Variants in LOXL2 observed in about 807,000 individuals in gnomAD.
LOXL2 encodes the protein lysyl oxidase like 2, also known as lysyl oxidase homolog 2.
LOXL2 carries 70 observed loss-of-function variants against 93.0 expected under a neutral mutation model. The observed-to-expected ratio is 0.75, with a 90% confidence interval of 0.62 to 0.92. LOXL2 has a LOEUF of 0.92. Among genes scored for constraint, LOXL2 ranks in the 40% least tolerant of loss-of-function variants. The pLI is 0.00. For synonymous variants in LOXL2, 438 were observed against 413.2 expected, an observed-to-expected ratio of 1.06 and a Z score of -0.73; for missense variants, 973 against 1,054.9, an observed-to-expected ratio of 0.92 and a Z score of 1.08.
chr8:23,304,302 AGAATAGC>A (rs1803191300), intron 10 of LOXL2, among the ~76,000 whole-genome samples: 1 of 152,242 alleles, frequency 6.6e-6, no homozygotes, highest in Non-Finnish European at 1.5e-5. Context: ...CGCTTGGTTT[AGAATAGC>A]CCTTGTTTCA....
intron 1 of LOXL2, among the ~76,000 whole-genome samples, chr8:23,373,882 A>G (rs1174747249): frequency 1.3e-5 from 2 of 151,340 alleles, no homozygotes; most frequent in Non-Finnish European, 2.9e-5. Flanking sequence ...CCATCCCCCA[A>G]GGGCTTCAGA....
intron 9 of LOXL2, among the ~76,000 whole-genome samples, chr8:23,312,905 T>C (rs1380969753): frequency 7.7e-6 from 1 of 130,162 alleles, no homozygotes. Context: ...AAAACCCCAT[T>C]GTCTCAGCCC....
In LOXL2 at chr8:23,371,440, A is replaced by T. The variant is rs1184694309; in HGVS notation, c.-83-3006T>A. Among the ~76,000 whole-genome samples, 5 of 152,174 alleles carry T rather than the reference A, an allele frequency of 3.3e-5. No homozygotes were observed. In the East Asian group the frequency reaches 9.6e-4, roughly 29 times the overall value. ...AGGAAGAATGTCCTGTGGGGTTTAA[A>T]ATACATGTATGATTAAAATGCATGG... On this transcript the variant is annotated intron_variant, in intron 1 of 13. Coordinates refer to ENST00000389131, the MANE Select transcript of LOXL2 (RefSeq NM_002318.3).
intron 4 of LOXL2, among the ~76,000 whole-genome samples, chr8:23,335,540 C>T (rs1383968455): frequency 2.0e-5 from 3 of 152,056 alleles, no homozygotes; most frequent in African/African-American, 4.8e-5. Flanking sequence ...GGAGACTTTA[C>T]GGAAGAGAAG....
chr8:23,365,679 C>G (rs1158138022), intron 2 of LOXL2: 5 of 152,270 alleles, frequency 3.3e-5, no homozygotes, highest in African/African-American at 1.2e-4. Context: ...CCTGCTCCAG[C>G]CGCTGTCCCA....
At chr8:23,355,948 C>A (rs983957719) in intron 3 of LOXL2, among the ~76,000 whole-genome samples, 8 of 152,098 alleles carry the variant, frequency 5.3e-5, no homozygotes, top group Non-Finnish European at 1.0e-4. Context: ...GTTACTCTCC[C>A]TAAAGTCTGC....
rs773359937 is a variant in LOXL2 at position 23,385,949 on chromosome 8, C to T, written c.-83-17515G>A. ...CATCTCAATTCCAAGCAGCACATTG[C>T]AAGTGTTTGGTGGCCCCATATGGTG... On this transcript the variant is annotated intron_variant, in intron 1 of 13. Coordinates refer to ENST00000389131, the MANE Select transcript of LOXL2 (RefSeq NM_002318.3). The T allele has an allele frequency of 3.0e-5, 23 of 765,174 alleles. No individual in the cohort carries two copies. In the East Asian group the frequency reaches 5.3e-4, roughly 18 times the overall value. The allele number at this position is 765,174 out of a possible 1,614,324, so 47.4% of individuals were successfully genotyped here.
intron 2 of LOXL2, among the ~76,000 whole-genome samples, chr8:23,366,277 T>G (rs1361990971): frequency 6.6e-6 from 1 of 152,186 alleles, no homozygotes; most frequent in African/African-American, 2.4e-5. Context: ...AGACAGGAAG[T>G]GGGTTCTAAA....
At chr8:23,317,771 GAGA>G (rs1393845194) in intron 8 of LOXL2, among the ~76,000 whole-genome samples, 2 of 152,168 alleles carry the variant, frequency 1.3e-5, no homozygotes, top group African/African-American at 4.8e-5. Context: ...TCACACTTCA[GAGA>G]AGTTTCCAGC....
chr8:23,348,059 T>C (rs1025217056), intron 3 of LOXL2, among the ~76,000 whole-genome samples: 1 of 152,078 alleles, frequency 6.6e-6, no homozygotes, highest in African/African-American at 2.4e-5. Flanking sequence ...ATATACACCA[T>C]GGAATACTGT....
intron 6 of LOXL2, among the ~76,000 whole-genome samples, chr8:23,322,574 T>C (rs1367483320): frequency 6.6e-6 from 1 of 152,200 alleles, no homozygotes; most frequent in Non-Finnish European, 1.5e-5. Context: ...CTTTTTCTAG[T>C]CCAAAGGAAT....
chr8:23,362,900 C>CT (rs1252298905), intron 2 of LOXL2, among the ~76,000 whole-genome samples: 1 of 152,104 alleles, frequency 6.6e-6, no homozygotes, highest in Non-Finnish European at 1.5e-5. Context: ...CTCACCGCTC[C>CT]TTTTAGGAGT....
rs964481355 is a variant in LOXL2 at position 23,321,404 on chromosome 8, A to G, written c.1302+726T>C. Among the ~76,000 whole-genome samples, 7 of 152,214 alleles carry G rather than the reference A, an allele frequency of 4.6e-5. No individual in the cohort carries two copies. In the East Asian group the frequency reaches 7.7e-4, roughly 17 times the overall value. On this transcript the variant is annotated intron_variant, in intron 7 of 13. Transcript: ENST00000389131. ...TTTTCTAGAGAAGACTGGAGCGCAC[A>G]GTGTAGCTGGCATGCAGTTCTAACT...
chr8:23,383,761 C>T (rs1167200651), intron 1 of LOXL2, among the ~76,000 whole-genome samples: 12 of 149,456 alleles, frequency 8.0e-5, no homozygotes, highest in Admixed American at 2.7e-4. Flanking sequence ...CCCGGGTTCA[C>T]GCCATTCTCC....
intron 2 of LOXL2, among the ~76,000 whole-genome samples, chr8:23,367,230 G>C (rs1052223208): frequency 2.0e-5 from 3 of 152,040 alleles, no homozygotes; most frequent in Non-Finnish European, 4.4e-5. Flanking sequence ...TGTATTTTTA[G>C]TAGAGATGGG....
intron 1 of LOXL2, among the ~76,000 whole-genome samples, chr8:23,381,235 T>C (rs181871957): frequency 3.3e-5 from 5 of 152,306 alleles, no homozygotes; most frequent in Admixed American, 2.6e-4. Context: ...TTTTATAACA[T>C]AGTATTCAAT....
intron 10 of LOXL2, among the ~76,000 whole-genome samples, chr8:23,304,292 C>A (rs1000758858): frequency 6.6e-6 from 1 of 152,208 alleles, no homozygotes; most frequent in African/African-American, 2.4e-5. Flanking sequence ...GGAACACATG[C>A]GCTTGGTTTA....
At chr8:23,383,328 T>G (rs1333261093) in intron 1 of LOXL2, among the ~76,000 whole-genome samples, 1 of 152,106 alleles carries the variant, frequency 6.6e-6, no homozygotes, top group East Asian at 1.9e-4. Context: ...TATGGGTGTG[T>G]GTGTGTGTAT....
chr8:23,365,151 C>T (rs1481765926), intron 2 of LOXL2: 2 of 152,404 alleles, frequency 1.3e-5, no homozygotes, highest in East Asian at 1.9e-4. Context: ...TGGTGCCCTC[C>T]CTGGTTTCAC....
Sources: allele counts gnomAD v4.1 joint callset (sites outside exome capture counted in the v4.1 genomes callset), GRCh38; gene constraint gnomAD v4.1.1; transcripts MANE v1.5; gene names NCBI Gene and HGNC (gene_info 2026-07-23, HGNC 2026-07-21).